The following DCDC1 variants were observed in gnomAD, a reference collection of about 807,000 sequenced individuals.
The protein encoded by DCDC1 is doublecortin domain containing 1.
A neutral mutation model predicts 178.3 loss-of-function variants in DCDC1; 200 were observed. The observed-to-expected ratio is 1.12, with a 90% confidence interval of 1.00 to 1.26. The LOEUF is 1.26. Ranked by LOEUF, DCDC1 falls within the 50% of genes most tolerant of loss-of-function variation. The pLI is 0.00. For synonymous variants in DCDC1, 690 were observed against 604.8 expected, an observed-to-expected ratio of 1.14 and a Z score of -2.07; for missense variants, 1,983 against 1,749.2, an observed-to-expected ratio of 1.13 and a Z score of -2.38.
At chr11:31,151,696 G>A (rs4369378) in intron 9 of DCDC1, among the ~76,000 whole-genome samples, 2 of 152,094 alleles carry the variant, frequency 1.3e-5, no homozygotes, top group East Asian at 1.9e-4. Context: ...TGTAAAGTAC[G>A]TGAATGTTAT....
intron 6 of DCDC1, among the ~76,000 whole-genome samples, chr11:31,304,341 A>G (rs981167246): frequency 9.9e-5 from 15 of 152,180 alleles, no homozygotes; most frequent in African/African-American, 3.6e-4. Context: ...TGAATTTTTT[A>G]AAGTCACAGA....
chr11:31,063,475 G>C (rs1391953815), intron 20 of DCDC1, among the ~76,000 whole-genome samples: 1 of 152,132 alleles, frequency 6.6e-6, no homozygotes, highest in Non-Finnish European at 1.5e-5. Flanking sequence ...CCATAGACTG[G>C]ATTAAGAAAA....
intron 1 of DCDC1, among the ~76,000 whole-genome samples, chr11:31,360,303 T>C (rs1228724096): frequency 6.6e-6 from 1 of 152,136 alleles, no homozygotes; most frequent in Non-Finnish European, 1.5e-5. Flanking sequence ...TATGTAAGTT[T>C]TCCAAACCAA....
intron 8 of DCDC1, chr11:31,262,905 G>C: frequency 1.5e-6 from 1 of 673,406 alleles, no homozygotes; most frequent in East Asian, 2.8e-5. Flanking sequence ...GTTAGTGGTT[G>C]CACAGGCTAA....
chr11:30,948,391 G>C (rs1212637558), intron 21 of DCDC1, among the ~76,000 whole-genome samples: 3 of 152,140 alleles, frequency 2.0e-5, no homozygotes, highest in Admixed American at 2.0e-4. Context: ...CATGCTCATA[G>C]ATAGAAAGAA....
At chr11:31,142,290 G>C (rs984014767) in intron 9 of DCDC1, among the ~76,000 whole-genome samples, 2 of 152,170 alleles carry the variant, frequency 1.3e-5, no homozygotes, top group South Asian at 2.1e-4. Context: ...AAATTGGATA[G>C]GACTGATATT....
Position 31,106,845 on chromosome 11 carries a change from G to T in DCDC1, c.1703C>A (p.Ser568Ter). The change falls in exon 13 of 39, where the codon TCG (serine) becomes TAG (stop). Residue 568 changes from serine (S) to a stop codon, truncating the protein, a stop_gained. Transcript: ENST00000684477. LOFTEE classifies it high-confidence loss of function. The part of the protein sequence containing the change: ...ENGQEIKNPL[S>*]LKNEQKIWVS... The stretch of plus-strand genomic sequence containing the variant: ...CCAAATTTTTTGCTCATTCTTCAGC[G>T]AAAGTGGATTCTTAATTTCTTGGCC... The T allele has an allele frequency of 2.6e-6, 2 of 766,210 alleles. No homozygotes were observed. Among genetic ancestry groups the T allele is most frequent in the South Asian group, 2.7e-5 (2 of 74,622 alleles). 47.5% of individuals were successfully genotyped at this position (766,210 alleles called of 1,614,324 possible). A position where few individuals can be genotyped will look rare whatever the true frequency, so the allele number is the denominator to read the frequency against.
intron 9 of DCDC1, among the ~76,000 whole-genome samples, chr11:31,164,305 C>T (rs760661169): frequency 1.5e-4 from 23 of 152,004 alleles, no homozygotes; most frequent in Non-Finnish European, 2.4e-4. Context: ...AAAAAAGAAA[C>T]GAACCAAGCA....
rs1445636242 is a variant in DCDC1, at chr11:31,298,804, C to T, written c.754+6811G>A. Among the ~76,000 whole-genome samples, 8 of 152,198 alleles carry T rather than the reference C, an allele frequency of 5.3e-5. No homozygotes were observed. The East Asian group carries it at 1.5e-3, about 29-fold the overall frequency. On this transcript the variant is annotated intron_variant, in intron 6 of 38. Transcript: ENST00000684477. ...ATTATAATTTTCCATTTTGCTTGTACCAAGTAAAAAGAATGCTGCCTTCTT... is the reference window on the plus strand; with the variant it reads ...ATTATAATTTTCCATTTTGCTTGTATCAAGTAAAAAGAATGCTGCCTTCTT...
At chr11:31,021,811 G>A (rs549943626) in intron 20 of DCDC1, among the ~76,000 whole-genome samples, 51 of 152,188 alleles carry the variant, frequency 3.4e-4, no homozygotes, top group African/African-American at 1.1e-3. Context: ...AAATAACTCT[G>A]GGAGCCAAAT....
intron 9 of DCDC1, among the ~76,000 whole-genome samples, chr11:31,194,511 AT>A (rs1415252458): frequency 6.6e-6 from 1 of 152,064 alleles, no homozygotes; most frequent in East Asian, 1.9e-4. Context: ...ATAAAAACAT[AT>A]TTTTACATAA....
chr11:31,155,672 C>A (rs560365499), intron 9 of DCDC1, among the ~76,000 whole-genome samples: 1 of 152,238 alleles, frequency 6.6e-6, no homozygotes, highest in East Asian at 1.9e-4. Flanking sequence ...GTAAGTATGA[C>A]AAGCATAAAA....
intron 9 of DCDC1, among the ~76,000 whole-genome samples, chr11:31,176,112 C>A (rs997797987): frequency 3.3e-5 from 5 of 152,074 alleles, no homozygotes; most frequent in African/African-American, 1.2e-4. Flanking sequence ...CTTAAGGAAA[C>A]TGAGCAAGAT....
intron 7 of DCDC1, among the ~76,000 whole-genome samples, chr11:31,283,248 C>A (rs1161388260): frequency 6.6e-6 from 1 of 152,174 alleles, no homozygotes; most frequent in Non-Finnish European, 1.5e-5. Flanking sequence ...ACACTCAGTC[C>A]TTGCTTTCAG....
At chr11:31,082,807 TCAGA>T (rs1957267047) in intron 17 of DCDC1, among the ~76,000 whole-genome samples, 1 of 152,268 alleles carries the variant, frequency 6.6e-6, no homozygotes, top group African/African-American at 2.4e-5. Flanking sequence ...GTTTCTTTTC[TCAGA>T]CAGCCTCAAA....
At chr11:31,220,654 A>C (rs969403540) in intron 9 of DCDC1, among the ~76,000 whole-genome samples, 1 of 152,198 alleles carries the variant, frequency 6.6e-6, no homozygotes, top group Non-Finnish European at 1.5e-5. Flanking sequence ...AAAATTCAAC[A>C]TGTCTGATTT....
At chr11:31,175,290 G>A (rs1478031696) in intron 9 of DCDC1, among the ~76,000 whole-genome samples, 7 of 152,210 alleles carry the variant, frequency 4.6e-5, no homozygotes, top group Non-Finnish European at 1.0e-4. Context: ...CAGTGTTCCT[G>A]GCTGTGCACA....
rs771815839 is a variant in DCDC1, at chr11:30,864,396, A to C, written c.*977T>G. On this transcript the variant is annotated 3_prime_UTR_variant, in exon 39 of 39. Transcript: ENST00000684477. ...ACCATGACATTTCTTTCATTTGCAC[A>C]ATTTCGAGAAGTGTTTCTTTCCTCT... 6 of 152,224 alleles carry C rather than the reference A, an allele frequency of 3.9e-5. No individual in the cohort carries two copies. The highest frequency in any genetic ancestry group is 2.9e-5 in the Non-Finnish European group (2 of 68,044). The allele number at this position is 152,224 out of a possible 1,614,324, so 9.4% of individuals were successfully genotyped here.
chr11:31,221,466 C>T (rs951310558), intron 9 of DCDC1, among the ~76,000 whole-genome samples: 18 of 152,352 alleles, frequency 1.2e-4, no homozygotes, highest in East Asian at 1.9e-4. Flanking sequence ...ATTCAATACT[C>T]TGCCTTCCAG....
Sources: gnomAD v4.1 joint callset for allele counts (sites outside exome capture counted in the v4.1 genomes callset) on GRCh38, gnomAD v4.1.1 for gene constraint, MANE v1.5 for transcripts, NCBI Gene and HGNC (gene_info 2026-07-23, HGNC 2026-07-21) for gene names.